Variants in UBL3 observed in about 807,000 individuals in gnomAD.
The protein encoded by UBL3 is ubiquitin like 3, also known as ubiquitin-like protein 3.
Under a neutral mutation model 18.4 loss-of-function variants are expected in UBL3, and 6 were observed. The ratio of observed to expected loss-of-function variants is 0.33; its 90% CI spans 0.18 to 0.64. The LOEUF (loss-of-function observed/expected upper bound fraction) is 0.64, where lower values mean the gene tolerates loss of function less well. Ranked by LOEUF, UBL3 falls within the 30% of genes least tolerant of loss-of-function variation. The pLI is 0.76. For synonymous variants in UBL3, 49 were observed against 46.6 expected, an observed-to-expected ratio of 1.05 and a Z score of -0.21; for missense variants, 109 against 142.9, an observed-to-expected ratio of 0.76 and a Z score of 1.21.
chr13:29,776,699 T>G (rs1351751740), intron 2 of UBL3, among the ~76,000 whole-genome samples: 1 of 151,710 alleles, frequency 6.6e-6, no homozygotes, highest in East Asian at 2.0e-4. Flanking sequence ...GGTGAAACCC[T>G]GTTTCTACCA....
At position 29,788,850 on chromosome 13, in the gene UBL3, T is replaced by C. The variant is rs974924451; in HGVS notation, c.28-11587A>G. On this transcript the variant is annotated intron_variant, in intron 1 of 4. Transcript: ENST00000380680. ...GGCTTAATGGGGAAGTGTGTGTGTG[T>C]GTGTGTGTGTGTGTGTGTGTGCGCG... is the stretch of plus-strand genomic sequence containing the variant. Among the ~76,000 whole-genome samples, 9 of 7,468 alleles carry C rather than the reference T, an allele frequency of 1.2e-3. 1 individual carries two copies. The highest frequency in any genetic ancestry group is 1.6e-3 in the African/African-American group (9 of 5,508). 4.9% of individuals were successfully genotyped at this position (7,468 alleles called of 152,430 possible). A position where few individuals can be genotyped will look rare whatever the true frequency, so the allele number is the denominator to read the frequency against.
intron 2 of UBL3, 77 bp downstream of exon 2, chr13:29,777,078 A>G (rs2139311781): frequency 8.7e-7 from 1 of 1,143,998 alleles, no homozygotes; most frequent in Non-Finnish European, 1.2e-6. Context: ...GTTATATAAC[A>G]GTTTCAAAAT....
intron 1 of UBL3, among the ~76,000 whole-genome samples, chr13:29,845,778 A>C (rs911025024): frequency 6.6e-6 from 1 of 152,126 alleles, no homozygotes; most frequent in Admixed American, 6.5e-5. Context: ...CAATTTTTAC[A>C]TTACAGTTGT....
At position 29,788,917 on chromosome 13, in the gene UBL3, G is replaced by C. The variant is rs147433657; in HGVS notation, c.28-11654C>G. 5.4e-3 allele frequency among the ~76,000 whole-genome samples: 790 copies of C among 147,494 alleles called. 8 individuals carry two copies. Among genetic ancestry groups the C allele is most frequent in the African/African-American group, 0.019 (777 of 40,158 alleles). ...CGTGTGTGCGTGTGTGTGTGTGTTT[G>C]AGACGGAGTTTTGCTCTTGTTGCCC... On this transcript the variant is annotated intron_variant, in intron 1 of 4. Transcript: ENST00000380680.
At chr13:29,801,168 G>A (rs1009796097) in intron 1 of UBL3, among the ~76,000 whole-genome samples, 9 of 152,142 alleles carry the variant, frequency 5.9e-5, no homozygotes, top group African/African-American at 2.2e-4. Context: ...AGGGCCTGAT[G>A]GCAACTCTGG....
chr13:29,839,558 G>C (rs1409095208), intron 1 of UBL3, among the ~76,000 whole-genome samples: 1 of 152,172 alleles, frequency 6.6e-6, no homozygotes, highest in African/African-American at 2.4e-5. Context: ...GGAGGCTAAG[G>C]AGGAAGGAGC....
At chr13:29,777,967 A>G (rs896174588) in intron 1 of UBL3, among the ~76,000 whole-genome samples, 4 of 152,096 alleles carry the variant, frequency 2.6e-5, no homozygotes, top group African/African-American at 9.7e-5. Context: ...AGGTTTCACT[A>G]TGTTGGCCAG....
At chr13:29,772,243 A>T in intron 2 of UBL3, 45 bp from the exon 3 acceptor site, 1 of 1,500,294 alleles carries the variant, frequency 6.7e-7, no homozygotes, top group South Asian at 1.2e-5. Flanking sequence ...CCAACATATA[A>T]TTAAGGTACT....
chr13:29,828,085 C>T (rs887733187), intron 1 of UBL3, among the ~76,000 whole-genome samples: 2 of 152,076 alleles, frequency 1.3e-5, no homozygotes, highest in Non-Finnish European at 2.9e-5. Context: ...GTGGGTAACC[C>T]GACCTTTCTC....
At chr13:29,792,172 C>T (rs1383037198) in intron 1 of UBL3, among the ~76,000 whole-genome samples, 1 of 152,114 alleles carries the variant, frequency 6.6e-6, no homozygotes, top group Non-Finnish European at 1.5e-5. Flanking sequence ...GTATGTGTGC[C>T]AAACTATAGC....
chr13:29,832,609 CACT>C (rs761438656), intron 1 of UBL3, among the ~76,000 whole-genome samples: 11 of 152,136 alleles, frequency 7.2e-5, no homozygotes, highest in Non-Finnish European at 1.5e-4. Context: ...TGCTGAGACT[CACT>C]ACTACTTAGA....
At chr13:29,801,389 G>A (rs1877760924) in intron 1 of UBL3, among the ~76,000 whole-genome samples, 1 of 152,158 alleles carries the variant, frequency 6.6e-6, no homozygotes, top group Non-Finnish European at 1.5e-5. Context: ...GCTGCTCTTG[G>A]ACTGGAGAAG....
At chr13:29,835,153 T>TATAA (rs1566001150) in intron 1 of UBL3, among the ~76,000 whole-genome samples, 12 of 30,494 alleles carry the variant, frequency 3.9e-4, no homozygotes, top group South Asian at 2.3e-3. Context: ...TATATATATA[T>TATAA]ATATATATAT....
chr13:29,797,761 T>A (rs1233333673), intron 1 of UBL3, among the ~76,000 whole-genome samples: 1 of 152,188 alleles, frequency 6.6e-6, no homozygotes, highest in Non-Finnish European at 1.5e-5. Context: ...AAAATGGCTG[T>A]CCCTGGTTTG....
At chr13:29,825,457 T>C (rs9508562) in intron 1 of UBL3, among the ~76,000 whole-genome samples, 16,077 of 152,210 alleles carry the variant, frequency 0.11, 932 homozygotes, top group Middle Eastern at 0.18. Flanking sequence ...TTATTCTCTT[T>C]GAAGCAATTG....
At chr13:29,845,826 T>C (rs1033495556) in intron 1 of UBL3, among the ~76,000 whole-genome samples, 1 of 152,142 alleles carries the variant, frequency 6.6e-6, no homozygotes, top group African/African-American at 2.4e-5. Flanking sequence ...TTTTATCAAC[T>C]AAAATGTTTT....
intron 1 of UBL3, among the ~76,000 whole-genome samples, chr13:29,823,506 T>C (rs549224578): frequency 2.0e-5 from 3 of 152,270 alleles, no homozygotes; most frequent in Admixed American, 6.5e-5. Context: ...AAAGGACAAA[T>C]TGGGACAAGA....
intron 1 of UBL3, among the ~76,000 whole-genome samples, chr13:29,808,644 C>A (rs1877957424): frequency 6.6e-6 from 1 of 152,086 alleles, no homozygotes; most frequent in Non-Finnish European, 1.5e-5. Context: ...CTCATTGTCT[C>A]ATTTTGCAAA....
At chr13:29,847,243 A>G (rs962736417) in intron 1 of UBL3, among the ~76,000 whole-genome samples, 3 of 152,256 alleles carry the variant, frequency 2.0e-5, no homozygotes, top group South Asian at 2.1e-4. Context: ...GTTGAACAGT[A>G]GAAAACAAGA....
Sources: gnomAD v4.1 joint callset for allele counts (sites outside exome capture counted in the v4.1 genomes callset) on GRCh38, gnomAD v4.1.1 for gene constraint, MANE v1.5 for transcripts, NCBI Gene and HGNC (gene_info 2026-07-23, HGNC 2026-07-21) for gene names.